PMEPA1: variants seen among roughly 807,000 people sequenced by gnomAD.
The protein encoded by PMEPA1 is prostate transmembrane protein, androgen induced 1.
A neutral mutation model predicts 23.0 loss-of-function variants in PMEPA1; 11 were observed. The observed-to-expected ratio is 0.48, with a 90% CI of 0.30 to 0.79. The LOEUF (loss-of-function observed/expected upper bound fraction) is 0.79. Among genes scored for constraint, PMEPA1 ranks in the 30% least tolerant of loss-of-function variants. The pLI is 0.06. For synonymous variants in PMEPA1, 204 were observed against 166.4 expected, an observed-to-expected ratio of 1.23 and a Z score of -1.74; for missense variants, 377 against 390.9, an observed-to-expected ratio of 0.96 and a Z score of 0.30.
rs1447259134 is a variant in PMEPA1, at chr20:57,648,935, C to T, written c.*3118G>A. ...CCTGATTTTTGCTACATATGGGGTCCCTTTTCATTCTTTGCAAAAACACTG... is the reference window on the plus strand; with the variant it reads ...CCTGATTTTTGCTACATATGGGGTCTCTTTTCATTCTTTGCAAAAACACTG... On this transcript the variant is annotated 3_prime_UTR_variant, in exon 4 of 4. Transcript: ENST00000341744. 1.3e-5 allele frequency: 2 copies of T among 152,130 alleles called. No homozygotes were observed. The highest frequency in any genetic ancestry group is 6.5e-5 in the Admixed American group (1 of 15,270). The allele number at this position is 152,130 out of a possible 1,614,324, so 9.4% of individuals were successfully genotyped here.
Position 57,648,427 on chromosome 20 carries a change from T to C in PMEPA1, c.*3626A>G, listed in dbSNP as rs922947449. 1 of 152,666 alleles carries C rather than the reference T, an allele frequency of 6.6e-6. No individual in the cohort carries two copies. Among genetic ancestry groups the C allele is most frequent in the African/African-American group, 2.4e-5 (1 of 41,460 alleles). 9.5% of individuals were successfully genotyped at this position (152,666 alleles called of 1,614,324 possible). On this transcript the variant is annotated 3_prime_UTR_variant, in exon 4 of 4. Transcript: ENST00000341744. ...AGAATTGTAAAATTTATTGTATAAG[T>C]ATTGCAGCTTTTCAGAATGTCATCA...
rs1436622514 is a variant in PMEPA1 at position 57,648,464 on chromosome 20, G to A, written c.*3589C>T. The A allele has an allele frequency of 1.3e-5, 2 of 152,742 alleles. No homozygotes were observed. The highest frequency in any genetic ancestry group is 3.9e-4 in the East Asian group (2 of 5,184). 9.5% of individuals were successfully genotyped at this position (152,742 alleles called of 1,614,324 possible). On this transcript the variant is annotated 3_prime_UTR_variant, in exon 4 of 4. Transcript: ENST00000341744. Reference sequence around the variant, plus strand: ...TCAGAATGTCATCATTGCCACTAATGATTACTGATACACAACAAGCAGTTT... The same window carrying A: ...TCAGAATGTCATCATTGCCACTAATAATTACTGATACACAACAAGCAGTTT...
At chr20:57,661,260 G>A (rs554398285) in intron 1 of PMEPA1, among the ~76,000 whole-genome samples, 6 of 152,342 alleles carry the variant, frequency 3.9e-5, no homozygotes, top group East Asian at 1.9e-4. Context: ...TGACTCAAGC[G>A]GGTCTGTGCC....
In PMEPA1 at chr20:57,651,084, T is replaced by G. The variant is rs2071220667; in HGVS notation, c.*969A>C. On this transcript the variant is annotated 3_prime_UTR_variant, in exon 4 of 4. Transcript: ENST00000341744. ...TTCCTTCGGTAACAGTTTATTTTCA[T>G]TTTTGGGAAAGGCAAAACCACTACC... 1 of 152,230 alleles carries G rather than the reference T, an allele frequency of 6.6e-6. No homozygotes were observed. Among genetic ancestry groups the G allele is most frequent in the Non-Finnish European group, 1.5e-5 (1 of 68,040 alleles). 9.4% of individuals were successfully genotyped at this position (152,230 alleles called of 1,614,324 possible).
chr20:57,678,926 T>A (rs2071674345), intron 1 of PMEPA1, among the ~76,000 whole-genome samples: 1 of 152,132 alleles, frequency 6.6e-6, no homozygotes, highest in Non-Finnish European at 1.5e-5. Flanking sequence ...AGAGAAAGCA[T>A]CACTGTAAAG....
At chr20:57,667,887 T>G (rs1029184620) in intron 1 of PMEPA1, among the ~76,000 whole-genome samples, 2 of 151,898 alleles carry the variant, frequency 1.3e-5, no homozygotes, top group East Asian at 3.9e-4. Flanking sequence ...TTAAGTACAA[T>G]CAAACCAGCC....
chr20:57,681,698 C>T (rs1021512262), intron 1 of PMEPA1, among the ~76,000 whole-genome samples: 1 of 152,184 alleles, frequency 6.6e-6, no homozygotes, highest in Non-Finnish European at 1.5e-5. Context: ...GTGGTTTTCC[C>T]AGAATCAGAA....
rs894102406 is a variant in PMEPA1, at chr20:57,679,075, A to G, written c.110-19378T>C. 3.0e-4 allele frequency among the ~76,000 whole-genome samples: 46 copies of G among 152,340 alleles called. 1 individual carries two copies. The highest frequency in any genetic ancestry group is 9.4e-4 in the African/African-American group (39 of 41,590). ...AGTCCTCCTCTGTCTTCTCCAGAAC[A>G]TGGAACAGAACTAGAGCAGGTTTGT... On this transcript the variant is annotated intron_variant, in intron 1 of 3. Coordinates refer to ENST00000341744, the MANE Select transcript of PMEPA1 (RefSeq NM_020182.5).
At position 57,651,848 on chromosome 20, in the gene PMEPA1, T is replaced by TA; in HGVS notation, c.*204_*205insT. 2.7e-6 allele frequency: 1 copy of TA among 370,388 alleles called. No homozygotes were observed. Among genetic ancestry groups the TA allele is most frequent in the Non-Finnish European group, 4.6e-6 (1 of 217,504 alleles). 22.9% of individuals were successfully genotyped at this position (370,388 alleles called of 1,614,324 possible). On this transcript the variant is annotated 3_prime_UTR_variant, in exon 4 of 4. Coordinates refer to ENST00000341744, the MANE Select transcript of PMEPA1 (RefSeq NM_020182.5). ...CAAAGAAACGTGGTTTTTTTTTTTC[T>TA]TTTTTCTTTTTTTTTTTGCAAGCTC...
rs1351135830 is a variant in PMEPA1 at position 57,652,997 on chromosome 20, T to C, written c.318+36A>G. ...GCAGCGGGAGCAGCCCAGGGTGGGA[T>C]GGGGGTGTTGGAGGGGAGGCCGAGG... On this transcript the variant is annotated intron_variant, in intron 3 of 3. Coordinates refer to ENST00000341744, the MANE Select transcript of PMEPA1 (RefSeq NM_020182.5). This position sits in a 1 kb window ranked among gnomAD's most constrained non-coding sequence, Gnocchi z 6.1. 5.2e-6 allele frequency: 8 copies of C among 1,552,170 alleles called. No individual in the cohort carries two copies. Among genetic ancestry groups the C allele is most frequent in the African/African-American group, 1.4e-5 (1 of 73,752 alleles).
chr20:57,680,224 A>T (rs1247392543), intron 1 of PMEPA1, among the ~76,000 whole-genome samples: 1 of 152,232 alleles, frequency 6.6e-6, no homozygotes, highest in Non-Finnish European at 1.5e-5. Flanking sequence ...TAAGTGCATT[A>T]TATCATTCAA....
At chr20:57,711,187 A>C (rs1381963211), upstream of PMEPA1, 1 of 152,212 alleles carries the variant, frequency 6.6e-6, no homozygotes, top group African/African-American at 2.4e-5. Flanking sequence ...CTGGAGTTTC[A>C]GTAATTAGCA....
intron 1 of PMEPA1, 99 bp downstream of exon 1, chr20:57,709,375 A>T: frequency 1.2e-6 from 1 of 801,498 alleles, no homozygotes; most frequent in Non-Finnish European, 1.5e-6. Flanking sequence ...GTTCGGTCCG[A>T]GGGGGCGCGC....
rs138663315 is a variant in PMEPA1 at position 57,688,080 on chromosome 20, G to A, written c.109+21394C>T. Among the ~76,000 whole-genome samples, 953 of 152,134 alleles carry A rather than the reference G, an allele frequency of 6.3e-3. 11 individuals carry two copies. Among genetic ancestry groups the A allele is most frequent in the African/African-American group, 0.021 (882 of 41,528 alleles). ...GCTACCTCTGCCCTCATCTCGGGAC[G>A]GCCTCAGCTCAGCCTCCGCCTCGGG... On this transcript the variant is annotated intron_variant, in intron 1 of 3. Transcript: ENST00000341744.
At chr20:57,667,107 G>A (rs2071504379) in intron 1 of PMEPA1, among the ~76,000 whole-genome samples, 1 of 152,210 alleles carries the variant, frequency 6.6e-6, no homozygotes, top group Admixed American at 6.5e-5. Flanking sequence ...CCCACCTCCA[G>A]CTGTGTCTTT....
chr20:57,665,540 A>AGG (rs1188935343), intron 1 of PMEPA1, among the ~76,000 whole-genome samples: 1 of 150,786 alleles, frequency 6.6e-6, no homozygotes, highest in African/African-American at 2.4e-5. Context: ...CAACCGGGGC[A>AGG]GGGGTGAAAT....
At chr20:57,659,154 C>T (rs1227342374) in intron 2 of PMEPA1, among the ~76,000 whole-genome samples, 11 of 146,340 alleles carry the variant, frequency 7.5e-5, no homozygotes, top group South Asian at 6.3e-4. Context: ...TCCTGCATGG[C>T]GCTATCACCA....
At chr20:57,660,121 G>A (rs2146647243) in intron 1 of PMEPA1, among the ~76,000 whole-genome samples, 1 of 152,192 alleles carries the variant, frequency 6.6e-6, no homozygotes, top group East Asian at 1.9e-4. Context: ...AAAGGCTCGG[G>A]CAGACGGTCA....
chr20:57,689,168 G>A (rs1016056734), intron 1 of PMEPA1, among the ~76,000 whole-genome samples: 2 of 152,176 alleles, frequency 1.3e-5, no homozygotes, highest in Non-Finnish European at 2.9e-5. Context: ...TTTGTTGGTA[G>A]GGCTGGTCAC....
Sources: allele counts gnomAD v4.1 joint callset (sites outside exome capture counted in the v4.1 genomes callset), GRCh38; gene constraint gnomAD v4.1.1; non-coding constraint Gnocchi (gnomAD v3.1); transcripts MANE v1.5; gene names NCBI Gene and HGNC (gene_info 2026-07-23, HGNC 2026-07-21).